Variants in FAM151B observed in about 807,000 individuals in gnomAD.
The protein encoded by FAM151B is protein FAM151B.
In FAM151B, 24 loss-of-function variants were observed where a neutral mutation model predicts 31.2. The ratio of observed to expected loss-of-function variants is 0.77; its 90% CI spans 0.56 to 1.08. The LOEUF is 1.08. Ranked by LOEUF, FAM151B falls within the 50% of genes least tolerant of loss-of-function variation. The pLI is 0.00. For synonymous variants in FAM151B, 105 were observed against 111.4 expected, an observed-to-expected ratio of 0.94 and a Z score of 0.36; for missense variants, 293 against 328.6, an observed-to-expected ratio of 0.89 and a Z score of 0.84.
chr5:80,531,128 A>C (rs553324451), intron 5 of FAM151B, among the ~76,000 whole-genome samples: 51 of 152,268 alleles, frequency 3.3e-4, no homozygotes, highest in African/African-American at 9.4e-4. Context: ...CAAAAACAAG[A>C]AATGGGGAAA....
intron 5 of FAM151B, among the ~76,000 whole-genome samples, chr5:80,525,875 CATAT>C (rs34660139): frequency 8.3e-4 from 123 of 147,454 alleles, no homozygotes; most frequent in Non-Finnish European, 9.3e-4. Context: ...TGCCTGTATG[CATAT>C]ATATATATAT....
intron 5 of FAM151B, among the ~76,000 whole-genome samples, chr5:80,538,602 T>C (rs1462269816): frequency 6.9e-6 from 1 of 145,664 alleles, no homozygotes; most frequent in Non-Finnish European, 1.5e-5. Context: ...TTCTTTCTTT[T>C]CTTTCTTTCT....
chr5:80,520,644 CAAA>C (rs766500639), intron 4 of FAM151B, among the ~76,000 whole-genome samples: 1 of 67,078 alleles, frequency 1.5e-5, no homozygotes, highest in African/African-American at 6.1e-5. Context: ...GACTCTGTCT[CAAA>C]AAAAAAAAAA....
At chr5:80,533,972 G>C (rs1745373663) in intron 5 of FAM151B, among the ~76,000 whole-genome samples, 1 of 152,066 alleles carries the variant, frequency 6.6e-6, no homozygotes, top group Admixed American at 6.6e-5. Context: ...AGTGGCTACT[G>C]TGAGCAACTA....
chr5:80,490,019 T>TACACACACACACACACAC lies in FAM151B; in HGVS notation c.25+1887_25+1904dup, dbSNP rs71601587. 4.0e-3 allele frequency among the ~76,000 whole-genome samples: 572 copies of TACACACACACACACACAC among 144,682 alleles called. 7 individuals are homozygous for TACACACACACACACACAC. The highest frequency in any genetic ancestry group is 0.012 in the African/African-American group (475 of 38,926). The allele number at this position is 144,682 out of a possible 152,430, so 94.9% of individuals were successfully genotyped here. ...TCCGTTATATGTCATTTTTCCCCCT[T>TACACACACACACACACAC]ACACACACACACACACACACACACA... On this transcript the variant is annotated intron_variant, in intron 1 of 5. Transcript: ENST00000282226.
intron 5 of FAM151B, among the ~76,000 whole-genome samples, chr5:80,535,330 A>G (rs965962781): frequency 2.0e-5 from 3 of 152,194 alleles, no homozygotes; most frequent in Non-Finnish European, 2.9e-5. Flanking sequence ...GAAGAATCAC[A>G]TTTACCTGAC....
At chr5:80,539,671 T>C (rs1024969630) in intron 5 of FAM151B, among the ~76,000 whole-genome samples, 3 of 152,056 alleles carry the variant, frequency 2.0e-5, no homozygotes, top group Non-Finnish European at 4.4e-5. Flanking sequence ...TTTTGTATGT[T>C]AGTAGAGACT....
At chr5:80,526,535 G>A (rs1404696319) in intron 5 of FAM151B, among the ~76,000 whole-genome samples, 4 of 151,780 alleles carry the variant, frequency 2.6e-5, no homozygotes, top group Admixed American at 6.6e-5. Context: ...TGGGGGAATC[G>A]CTTGAATTTG....
intron 5 of FAM151B, among the ~76,000 whole-genome samples, chr5:80,526,224 C>G (rs1177951690): frequency 6.6e-6 from 1 of 152,098 alleles, no homozygotes; most frequent in Non-Finnish European, 1.5e-5. Flanking sequence ...AATGGACTCA[C>G]TCAGTTCTAA....
intron 1 of FAM151B, among the ~76,000 whole-genome samples, chr5:80,490,523 A>T (rs1441776539): frequency 6.6e-6 from 1 of 152,230 alleles, no homozygotes. Flanking sequence ...AATTACCACA[A>T]TTAATTTTAA....
Position 80,492,695 on chromosome 5 carries a change from G to A in FAM151B, c.25+4547G>A, listed in dbSNP as rs57283952. On this transcript the variant is annotated intron_variant, in intron 1 of 5. Coordinates refer to ENST00000282226, the MANE Select transcript of FAM151B (RefSeq NM_205548.3). Reference sequence around the variant, plus strand: ...GGGCTGGGCACAGTGGCTTATGCCTGTAATCCCAGAACTTTGGGAGGCTGA... The same window carrying A: ...GGGCTGGGCACAGTGGCTTATGCCTATAATCCCAGAACTTTGGGAGGCTGA... Among the ~76,000 whole-genome samples, 1,298 of 152,302 alleles carry A rather than the reference G, an allele frequency of 8.5e-3. 19 individuals carry two copies. The highest frequency in any genetic ancestry group is 0.03 in the African/African-American group (1,239 of 41,550).
Position 80,528,118 on chromosome 5 carries a change from G to A in FAM151B, c.671+5980G>A, listed in dbSNP as rs73123445. On this transcript the variant is annotated intron_variant, in intron 5 of 5. Coordinates refer to ENST00000282226, the MANE Select transcript of FAM151B (RefSeq NM_205548.3). ...GATCATATCTATAGCTCATTTCTAG[G>A]AAAATTTCCCGAATGAGTAGAGTGC... is the stretch of plus-strand genomic sequence containing the variant. Among the ~76,000 whole-genome samples the A allele has an allele frequency of 7.4e-3, 1,126 of 151,958 alleles. 15 individuals are homozygous for A. The highest frequency in any genetic ancestry group is 0.026 in the African/African-American group (1,071 of 41,428).
chr5:80,531,522 A>G (rs1580453589), intron 5 of FAM151B, among the ~76,000 whole-genome samples: 2 of 152,322 alleles, frequency 1.3e-5, no homozygotes, highest in South Asian at 2.1e-4. Context: ...TCTACAAAGA[A>G]CTCAAACAAA....
chr5:80,536,162 T>A (rs957797438), intron 5 of FAM151B, among the ~76,000 whole-genome samples: 6 of 151,412 alleles, frequency 4.0e-5, no homozygotes, highest in African/African-American at 1.5e-4. Flanking sequence ...TTTAGTTTAG[T>A]TTTGTTTTGT....
intron 1 of FAM151B, among the ~76,000 whole-genome samples, chr5:80,488,431 G>A (rs1002319376): frequency 4.6e-5 from 7 of 152,224 alleles, no homozygotes; most frequent in Non-Finnish European, 7.3e-5. Context: ...TGGAAAGAAA[G>A]GAATGTGACG....
At chr5:80,494,447 CTTTCTTTCT>C (rs1257145247) in intron 1 of FAM151B, among the ~76,000 whole-genome samples, 6 of 47,728 alleles carry the variant, frequency 1.3e-4, no homozygotes, top group Admixed American at 6.3e-4. Context: ...CTTTCTTTTT[CTTTCTTTCT>C]TTTCTTTCTT....
At chr5:80,490,019 T>TACACACACACACACACACACACACACAC (rs71601587) in intron 1 of FAM151B, among the ~76,000 whole-genome samples, 1 of 144,596 alleles carries the variant, frequency 6.9e-6, no homozygotes, top group African/African-American at 2.6e-5. Flanking sequence ...TTTTCCCCCT[T>TACACACACACACACACACACACACACAC]ACACACACAC....
chr5:80,507,870 C>T (rs1016891833), intron 2 of FAM151B, among the ~76,000 whole-genome samples: 13 of 152,138 alleles, frequency 8.5e-5, no homozygotes, highest in Non-Finnish European at 1.6e-4. Context: ...GGCTACGCTC[C>T]CTCCTCCTTG....
At chr5:80,538,486 C>CTTTGTTT (rs1561383860) in intron 5 of FAM151B, among the ~76,000 whole-genome samples, 8 of 118,960 alleles carry the variant, frequency 6.7e-5, no homozygotes, top group African/African-American at 2.6e-4. Flanking sequence ...TTCTTTCTTT[C>CTTTGTTT]CTTCCTTCCT....
Sources: gnomAD v4.1 joint callset for allele counts (sites outside exome capture counted in the v4.1 genomes callset) on GRCh38, gnomAD v4.1.1 for gene constraint, MANE v1.5 for transcripts, NCBI Gene and HGNC (gene_info 2026-07-23, HGNC 2026-07-21) for gene names.